Variants in NRXN1 observed in about 807,000 individuals in gnomAD.
The protein encoded by NRXN1 is neurexin-1.
Under a neutral mutation model 150.9 loss-of-function variants are expected in NRXN1, and 39 were observed. The observed-to-expected ratio is 0.26, with a 90% CI of 0.20 to 0.34. The LOEUF (loss-of-function observed/expected upper bound fraction) is 0.34. Among genes scored for constraint, NRXN1 ranks in the 10% least tolerant of loss-of-function variants. The pLI is 1.00. For synonymous variants in NRXN1, 924 were observed against 757.0 expected, an observed-to-expected ratio of 1.22 and a Z score of -3.62; for missense variants, 1,815 against 1,949.9, an observed-to-expected ratio of 0.93 and a Z score of 1.30.
chr2:50,325,370 C>T (rs149607910), intron 17 of NRXN1, among the ~76,000 whole-genome samples: 1 of 152,204 alleles, frequency 6.6e-6, no homozygotes, highest in Non-Finnish European at 1.5e-5. Context: ...AGAAGTTTGT[C>T]ATGCCCCCCA....
chr2:50,916,674 C>G (rs1273337572), intron 5 of NRXN1: 5 of 151,518 alleles, frequency 3.3e-5, no homozygotes, highest in African/African-American at 1.2e-4. Flanking sequence ...ACAGAGAGTC[C>G]TTTCTGTGCT....
chr2:50,538,121 C>T, intron 10 of NRXN1, 132 bp downstream of exon 10: 1 of 986,038 alleles, frequency 1.0e-6, no homozygotes, highest in African/African-American at 1.6e-5. Flanking sequence ...TCAGGTATGG[C>T]TGCTCAGCTT....
intron 17 of NRXN1, among the ~76,000 whole-genome samples, chr2:50,273,106 T>C (rs1574864643): frequency 6.6e-6 from 1 of 151,958 alleles, no homozygotes; most frequent in African/African-American, 2.4e-5. Context: ...GAAAACGACA[T>C]TGAGGTACCA....
chr2:49,998,877 T>C (rs1458564187), intron 21 of NRXN1, among the ~76,000 whole-genome samples: 1 of 152,108 alleles, frequency 6.6e-6, no homozygotes, highest in African/African-American at 2.4e-5. Context: ...TGTATGTGGG[T>C]TGCCTTTTTT....
At chr2:50,982,032 C>A (rs1024128775) in intron 2 of NRXN1, among the ~76,000 whole-genome samples, 27 of 152,142 alleles carry the variant, frequency 1.8e-4, no homozygotes, top group African/African-American at 6.3e-4. Context: ...AAAAGAACAT[C>A]TGAGCTTCCA....
intron 18 of NRXN1, among the ~76,000 whole-genome samples, chr2:50,166,276 C>CGTGT (rs1480955493): frequency 8.4e-6 from 1 of 119,310 alleles, no homozygotes; most frequent in Non-Finnish European, 1.8e-5. Context: ...GAGTACTCAA[C>CGTGT]GTATGTGTGT....
intron 17 of NRXN1, among the ~76,000 whole-genome samples, chr2:50,460,594 G>C (rs2088079228): frequency 6.6e-6 from 1 of 151,992 alleles, no homozygotes. Flanking sequence ...ATTCTAAAAA[G>C]AAGAACAAAG....
chr2:50,568,200 GA>G lies in NRXN1; in HGVS notation c.1321-15176del, dbSNP rs139544478. ...ATTGCAATTAACTTTTAATAATAATGATCCTAAGAAACTCTCCAGGACACTG... is the reference window on the plus strand; with the variant it reads ...ATTGCAATTAACTTTTAATAATAATGTCCTAAGAAACTCTCCAGGACACTG... On this transcript the variant is annotated intron_variant, in intron 8 of 22. Coordinates refer to ENST00000401669, the MANE Select transcript of NRXN1 (RefSeq NM_001330078.2). Among the ~76,000 whole-genome samples, 1,461 of 152,102 alleles carry G rather than the reference GA, an allele frequency of 9.6e-3. 19 individuals are homozygous for G. Among genetic ancestry groups the G allele is most frequent in the African/African-American group, 0.034 (1,411 of 41,522 alleles).
rs748364051 is a variant in NRXN1, at chr2:50,434,043, ATTTTT to A, written c.3364+31394_3364+31398del. On this transcript the variant is annotated intron_variant, in intron 17 of 22. Transcript: ENST00000401669. ...ACTCCTTGCTTCCGGTATCTAAGCCATTTTTTTTTTTTTTTTTTTTTTTTTTTTTT... is the reference window on the plus strand; with the variant it reads ...ACTCCTTGCTTCCGGTATCTAAGCCATTTTTTTTTTTTTTTTTTTTTTTTT... 3.0e-4 allele frequency among the ~76,000 whole-genome samples: 22 copies of A among 72,142 alleles called. 3 individuals carry two copies. Among genetic ancestry groups the A allele is most frequent in the East Asian group, 1.3e-3 (3 of 2,282 alleles). The allele number at this position is 72,142 out of a possible 152,430, so 47.3% of individuals were successfully genotyped here.
intron 5 of NRXN1, among the ~76,000 whole-genome samples, chr2:50,721,427 G>A (rs1207341416): frequency 6.6e-6 from 1 of 152,160 alleles, no homozygotes; most frequent in Non-Finnish European, 1.5e-5. Context: ...CAACAAATAT[G>A]TAGCATACAG....
chr2:50,990,507 C>T (rs1208876887), intron 2 of NRXN1, among the ~76,000 whole-genome samples: 1 of 151,920 alleles, frequency 6.6e-6, no homozygotes, highest in African/African-American at 2.4e-5. Flanking sequence ...AGCTTATTCT[C>T]TAGGGAAGAA....
At chr2:50,039,601 C>G (rs1206601900) in intron 21 of NRXN1, among the ~76,000 whole-genome samples, 1 of 152,200 alleles carries the variant, frequency 6.6e-6, no homozygotes, top group Non-Finnish European at 1.5e-5. Flanking sequence ...GCTCTCCATA[C>G]TCTGTTTATT....
intron 5 of NRXN1, among the ~76,000 whole-genome samples, chr2:50,679,676 T>A (rs1405339924): frequency 6.6e-6 from 1 of 152,182 alleles, no homozygotes; most frequent in African/African-American, 2.4e-5. Context: ...AATAAAATTA[T>A]CTTTATTCTA....
intron 5 of NRXN1, among the ~76,000 whole-genome samples, chr2:50,692,524 T>G (rs1201091236): frequency 6.6e-6 from 1 of 152,188 alleles, no homozygotes; most frequent in African/African-American, 2.4e-5. Flanking sequence ...TTTAAAATTC[T>G]AATCAGAGTG....
At chr2:50,503,315 C>CA (rs796952572) in intron 13 of NRXN1, among the ~76,000 whole-genome samples, 3,195 of 106,418 alleles carry the variant, frequency 0.03, 97 homozygotes, top group African/African-American at 0.094. Context: ...CTCAAAAAAA[C>CA]AAAAAAAAAA....
intron 2 of NRXN1, among the ~76,000 whole-genome samples, chr2:50,942,646 CTTTG>C (rs1420359534): frequency 6.6e-6 from 1 of 152,160 alleles, no homozygotes; most frequent in East Asian, 1.9e-4. Context: ...CCTGTAGCCC[CTTTG>C]TTTGGGCCAA....
At chr2:50,681,178 A>G (rs1450386829) in intron 5 of NRXN1, among the ~76,000 whole-genome samples, 1 of 152,208 alleles carries the variant, frequency 6.6e-6, no homozygotes, top group Non-Finnish European at 1.5e-5. Flanking sequence ...GGATCTGTAC[A>G]CTATTGGCCC....
chr2:50,733,118 T>C (rs553487426), intron 5 of NRXN1, among the ~76,000 whole-genome samples: 5 of 152,294 alleles, frequency 3.3e-5, no homozygotes, highest in Non-Finnish European at 7.4e-5. Flanking sequence ...AAATATACTA[T>C]AAATAAGCAT....
intron 17 of NRXN1, among the ~76,000 whole-genome samples, chr2:50,337,514 G>T (rs1204759627): frequency 6.6e-6 from 1 of 152,140 alleles, no homozygotes; most frequent in Non-Finnish European, 1.5e-5. Context: ...GGAGAGTAAA[G>T]TACCTATCTC....
Sources: allele counts gnomAD v4.1 joint callset (sites outside exome capture counted in the v4.1 genomes callset), GRCh38; gene constraint gnomAD v4.1.1; transcripts MANE v1.5; gene names NCBI Gene and HGNC (gene_info 2026-07-23, HGNC 2026-07-21).